Variants in RALGPS1 observed in about 807,000 individuals in gnomAD.
The protein encoded by RALGPS1 is Ral GEF with PH domain and SH3 binding motif 1.
In RALGPS1, 19 loss-of-function variants were observed where a neutral mutation model predicts 78.8. The observed-to-expected ratio is 0.24, with a 90% confidence interval of 0.17 to 0.35. RALGPS1 has a LOEUF of 0.35. RALGPS1 is among the 10% of genes least tolerant of loss of function. The pLI, the probability that RALGPS1 is intolerant of heterozygous loss-of-function variation, is 1.00. For synonymous variants in RALGPS1, 228 were observed against 256.3 expected (o/e 0.89, Z 1.06); for missense variants, 454 against 688.3 (o/e 0.66, Z 3.81).
At chr9:126,942,069 A>G (rs538384335) in intron 1 of RALGPS1, among the ~76,000 whole-genome samples, 103 of 152,336 alleles carry the variant, frequency 6.8e-4, no homozygotes, top group African/African-American at 2.4e-3. Context: ...TTTAGAGAGA[A>G]CAAACCCCCT....
At chr9:126,928,132 C>T (rs938438001) in intron 1 of RALGPS1, among the ~76,000 whole-genome samples, 1 of 152,138 alleles carries the variant, frequency 6.6e-6, no homozygotes, top group African/African-American at 2.4e-5. Flanking sequence ...AGGTGAAGAG[C>T]CTTTAATCTG....
chr9:127,108,705 C>G (rs2054508435), intron 8 of RALGPS1: 2 of 1,612,170 alleles, frequency 1.2e-6, no homozygotes, highest in African/African-American at 1.3e-5. Flanking sequence ...GTCCGAGCCA[C>G]CAGCATGTCA....
chr9:126,948,007 G>A (rs1052617481), intron 1 of RALGPS1, among the ~76,000 whole-genome samples: 1 of 152,136 alleles, frequency 6.6e-6, no homozygotes, highest in African/African-American at 2.4e-5. Flanking sequence ...GGTCTCTAGA[G>A]TGTGTTTCCC....
At chr9:127,006,882 C>G (rs2043881548) in intron 4 of RALGPS1, among the ~76,000 whole-genome samples, 2 of 146,894 alleles carry the variant, frequency 1.4e-5, no homozygotes, top group Admixed American at 1.4e-4. Context: ...ATTTGGATTT[C>G]TTTTGATTCT....
At chr9:127,082,836 A>G (rs2051309560) in intron 8 of RALGPS1, among the ~76,000 whole-genome samples, 2 of 152,200 alleles carry the variant, frequency 1.3e-5, no homozygotes, top group African/African-American at 4.8e-5. Flanking sequence ...AGTGCTATCC[A>G]CATGAAAATA....
chr9:127,023,121 T>TCAC (rs893475014), intron 4 of RALGPS1, among the ~76,000 whole-genome samples: 9 of 152,200 alleles, frequency 5.9e-5, no homozygotes, highest in African/African-American at 1.7e-4. Flanking sequence ...ATCATCATCA[T>TCAC]CACCACCACC....
At chr9:127,216,274 G>A (rs928822219) in intron 18 of RALGPS1, 1 of 152,320 alleles carries the variant, frequency 6.6e-6, no homozygotes, top group Non-Finnish European at 1.5e-5. Context: ...ATTAGTCCTC[G>A]ACCAACTAAA....
chr9:126,997,024 G>A (rs1457210295), intron 4 of RALGPS1, among the ~76,000 whole-genome samples: 3 of 151,856 alleles, frequency 2.0e-5, no homozygotes, highest in Admixed American at 6.6e-5. Context: ...ATATTGATGG[G>A]ACGTATCTCA....
At chr9:127,069,150 C>T in intron 7 of RALGPS1, 80 bp from the exon 8 acceptor site, 1 of 1,375,178 alleles carries the variant, frequency 7.3e-7, no homozygotes. Context: ...AGGATTTTCC[C>T]TTTTAGTCTT....
chr9:127,018,659 A>G (rs940778165), intron 4 of RALGPS1, among the ~76,000 whole-genome samples: 23 of 150,254 alleles, frequency 1.5e-4, no homozygotes, highest in East Asian at 5.8e-4. Flanking sequence ...TAATAATAAT[A>G]ATAATAATAA....
intron 8 of RALGPS1, among the ~76,000 whole-genome samples, chr9:127,143,744 A>G (rs970368178): frequency 6.6e-6 from 1 of 152,256 alleles, no homozygotes; most frequent in Non-Finnish European, 1.5e-5. Flanking sequence ...AGAAGACATC[A>G]GAGTTAACGT....
chr9:127,199,108 C>T (rs41297207), intron 14 of RALGPS1, 42 bp downstream of exon 14: 136,500 of 1,590,004 alleles, frequency 0.086, 6,815 homozygotes, highest in Middle Eastern at 0.12. Context: ...AGGGGCGGTG[C>T]TCAGGGCTGA....
At position 127,099,808 on chromosome 9, in the gene RALGPS1, T is replaced by C. The variant is rs79106238; in HGVS notation, c.610+30452T>C. On this transcript the variant is annotated intron_variant, in intron 8 of 18. Coordinates refer to ENST00000259351, the MANE Select transcript of RALGPS1 (RefSeq NM_014636.3). ...AGTTCCTGCAGAACCTCAGAGTTGA[T>C]ATCACACATGTCATTTCTGATCATT... Among the ~76,000 whole-genome samples, 780 of 152,374 alleles carry C rather than the reference T, an allele frequency of 5.1e-3. 27 individuals carry two copies. The East Asian group carries it at 0.098, about 19-fold the overall frequency.
At chr9:127,055,423 G>A (rs773926084) in intron 7 of RALGPS1, among the ~76,000 whole-genome samples, 7 of 152,152 alleles carry the variant, frequency 4.6e-5, no homozygotes, top group Non-Finnish European at 8.8e-5. Context: ...TTGCTATGTT[G>A]CCCAGGCTGG....
intron 14 of RALGPS1, 78 bp downstream of exon 14, chr9:127,199,144 G>T (rs1588513035): frequency 1.4e-6 from 2 of 1,402,570 alleles, no homozygotes; most frequent in East Asian, 2.3e-5. Context: ...GCCCCGGGCA[G>T]GGACGGGCCC....
intron 7 of RALGPS1, 151 bp from the exon 8 acceptor site, chr9:127,069,079 A>C: frequency 1.3e-6 from 1 of 777,060 alleles, no homozygotes; most frequent in Middle Eastern, 3.9e-4. Context: ...CATATGCACG[A>C]AACAGCCTTT....
intron 6 of RALGPS1, among the ~76,000 whole-genome samples, chr9:127,050,752 G>T (rs1411845701): frequency 2.0e-5 from 3 of 152,138 alleles, no homozygotes; most frequent in African/African-American, 2.4e-5. Context: ...GTCACGCCCA[G>T]TAGCTCCTCC....
intron 7 of RALGPS1, among the ~76,000 whole-genome samples, chr9:127,063,812 GT>G (rs2049429258): frequency 6.6e-6 from 1 of 152,180 alleles, no homozygotes; most frequent in Non-Finnish European, 1.5e-5. Context: ...CTTGTAAATA[GT>G]CCATTATCTT....
intron 11 of RALGPS1, among the ~76,000 whole-genome samples, chr9:127,175,605 G>A (rs776662276): frequency 1.9e-4 from 28 of 151,190 alleles, no homozygotes; most frequent in African/African-American, 2.7e-4. Context: ...CCTGGTTTGC[G>A]CTCTAGGTCA....
Sources: allele counts gnomAD v4.1 joint callset (sites outside exome capture counted in the v4.1 genomes callset), GRCh38; gene constraint gnomAD v4.1.1; transcripts MANE v1.5; gene names NCBI Gene and HGNC (gene_info 2026-07-23, HGNC 2026-07-21).